DLG2: variants seen among roughly 807,000 people sequenced by gnomAD.
The protein encoded by DLG2 is discs large MAGUK scaffold protein 2.
Under a neutral mutation model 132.5 loss-of-function variants are expected in DLG2, and 45 were observed. The observed-to-expected ratio is 0.34, with a 90% confidence interval of 0.27 to 0.44. DLG2 has a LOEUF of 0.44. Among genes scored for constraint, DLG2 ranks in the 20% least tolerant of loss-of-function variants. DLG2 has a pLI of 1.00. For synonymous variants in DLG2, 424 were observed against 419.6 expected (o/e 1.01, Z -0.13); for missense variants, 1,045 against 1,196.9 (o/e 0.87, Z 1.87).
intron 6 of DLG2, among the ~76,000 whole-genome samples, chr11:85,035,331 T>A (rs2061354813): frequency 1.3e-5 from 2 of 152,232 alleles, no homozygotes; most frequent in Non-Finnish European, 2.9e-5. Flanking sequence ...TGTTTCACAC[T>A]GTTATAAAGA....
At chr11:84,294,862 A>G (rs1215106013) in intron 7 of DLG2, among the ~76,000 whole-genome samples, 3 of 152,122 alleles carry the variant, frequency 2.0e-5, no homozygotes, top group African/African-American at 7.2e-5. Context: ...AAAATATTTT[A>G]TTTATTTCAG....
chr11:84,574,526 T>C (rs1242277198), intron 6 of DLG2, among the ~76,000 whole-genome samples: 2 of 152,154 alleles, frequency 1.3e-5, no homozygotes, highest in Non-Finnish European at 2.9e-5. Context: ...TTGTAGAAAA[T>C]TAAAGAACCA....
intron 6 of DLG2, among the ~76,000 whole-genome samples, chr11:85,065,685 T>C (rs1020985839): frequency 6.6e-6 from 1 of 151,114 alleles, no homozygotes; most frequent in African/African-American, 2.4e-5. Context: ...TAAAAATACA[T>C]GGAAATTAAA....
rs142998345 is a variant in DLG2, at chr11:84,807,945, C to T, written c.358-273214G>A. Among the ~76,000 whole-genome samples the T allele has an allele frequency of 1.0e-3, 155 of 152,196 alleles. 1 individual carries two copies. In the East Asian group the frequency reaches 0.028, roughly 28 times the overall value. The stretch of plus-strand genomic sequence containing the variant: ...TTATTGACAATTCACAAAATACCTA[C>T]GCCAAAAATCAGAATGCATATAGAA... On this transcript the variant is annotated intron_variant, in intron 6 of 27. Coordinates refer to ENST00000376104, the MANE Select transcript of DLG2 (RefSeq NM_001142699.3).
chr11:84,677,024 A>C (rs1376241370), intron 6 of DLG2, among the ~76,000 whole-genome samples: 1 of 152,016 alleles, frequency 6.6e-6, no homozygotes, highest in Non-Finnish European at 1.5e-5. Context: ...AGGGCCCTAG[A>C]GGTCATAAAA....
intron 6 of DLG2, among the ~76,000 whole-genome samples, chr11:84,659,988 G>A (rs2099692745): frequency 6.6e-6 from 1 of 152,070 alleles, no homozygotes; most frequent in Non-Finnish European, 1.5e-5. Flanking sequence ...TACTCTCCTG[G>A]CATTGATGTC....
At chr11:84,692,876 G>A (rs368578648) in intron 6 of DLG2, among the ~76,000 whole-genome samples, 1 of 151,652 alleles carries the variant, frequency 6.6e-6, no homozygotes, top group South Asian at 2.1e-4. Context: ...CAGGTACTAA[G>A]CTAAACAGTT....
intron 7 of DLG2, among the ~76,000 whole-genome samples, chr11:84,340,444 G>T (rs1382614971): frequency 6.6e-6 from 1 of 152,164 alleles, no homozygotes; most frequent in East Asian, 1.9e-4. Context: ...CTCATACAGA[G>T]ATGTAAGAGG....
At chr11:84,985,322 G>A (rs2056332164) in intron 6 of DLG2, among the ~76,000 whole-genome samples, 1 of 151,970 alleles carries the variant, frequency 6.6e-6, no homozygotes, top group African/African-American at 2.4e-5. Context: ...ACTACCAAAG[G>A]AACCCTCAAA....
At chr11:84,484,161 A>G (rs760185229) in intron 7 of DLG2, among the ~76,000 whole-genome samples, 1 of 152,128 alleles carries the variant, frequency 6.6e-6, no homozygotes, top group Admixed American at 6.5e-5. Flanking sequence ...ACTTAGGTAT[A>G]GCAATTTAGG....
chr11:85,243,964 TATC>T (rs746298721), intron 4 of DLG2, among the ~76,000 whole-genome samples: 1 of 151,988 alleles, frequency 6.6e-6, no homozygotes, highest in Non-Finnish European at 1.5e-5. Flanking sequence ...ATAAAGTTAT[TATC>T]ATCTCCTTAG....
intron 3 of DLG2, among the ~76,000 whole-genome samples, chr11:85,505,798 T>A (rs776662579): frequency 2.0e-5 from 3 of 152,126 alleles, no homozygotes; most frequent in African/African-American, 7.2e-5. Flanking sequence ...GGAATGGTAC[T>A]AGCTCCTCCT....
At position 85,543,660 on chromosome 11, in the gene DLG2, C is replaced by T. The variant is rs192663617; in HGVS notation, c.40+54997G>A. Among the ~76,000 whole-genome samples the T allele has an allele frequency of 8.6e-3, 1,305 of 152,284 alleles. 13 individuals carry two copies. The highest frequency in any genetic ancestry group is 0.03 in the African/African-American group (1,230 of 41,542). On this transcript the variant is annotated intron_variant, in intron 3 of 27. Coordinates refer to ENST00000376104, the MANE Select transcript of DLG2 (RefSeq NM_001142699.3). ...CTCTCTAGCATCTATAGTTTCCTGA[C>T]TTTTTAATGATCACCATTCTAACTG...
intron 18 of DLG2, among the ~76,000 whole-genome samples, chr11:83,671,745 A>T (rs541805720): frequency 2.0e-5 from 3 of 152,280 alleles, no homozygotes; most frequent in Admixed American, 6.5e-5. Flanking sequence ...TGCCTATGTC[A>T]GCGTGTAGCT....
At chr11:85,155,839 A>G (rs915313265) in intron 4 of DLG2, among the ~76,000 whole-genome samples, 2 of 150,822 alleles carry the variant, frequency 1.3e-5, no homozygotes, top group Non-Finnish European at 2.9e-5. Flanking sequence ...AGCCTGGGTG[A>G]CTGAGCAAGA....
chr11:84,991,508 CA>C (rs760113916), intron 6 of DLG2, among the ~76,000 whole-genome samples: 87 of 108,720 alleles, frequency 8.0e-4, no homozygotes, highest in Middle Eastern at 4.9e-3. Flanking sequence ...GACACCTTCT[CA>C]AAAAAAAAAA....
chr11:83,577,856 AATT>A (rs1481649591), intron 19 of DLG2, among the ~76,000 whole-genome samples: 3 of 127,114 alleles, frequency 2.4e-5, no homozygotes, highest in South Asian at 2.2e-4. Context: ...ATAAATATAT[AATT>A]ATATTATAAA....
At chr11:84,126,253 AG>A (rs1233441898) in intron 9 of DLG2, among the ~76,000 whole-genome samples, 1 of 152,216 alleles carries the variant, frequency 6.6e-6, no homozygotes. Context: ...GATGGAAAAA[AG>A]GACTCTTTTA....
chr11:85,046,120 A>G (rs2062324289), intron 6 of DLG2, among the ~76,000 whole-genome samples: 1 of 152,012 alleles, frequency 6.6e-6, no homozygotes, highest in Non-Finnish European at 1.5e-5. Context: ...ATTTCTTGGA[A>G]ACTTGATTGC....
Sources: gnomAD v4.1 joint callset for allele counts (sites outside exome capture counted in the v4.1 genomes callset) on GRCh38, gnomAD v4.1.1 for gene constraint, MANE v1.5 for transcripts, NCBI Gene and HGNC (gene_info 2026-07-23, HGNC 2026-07-21) for gene names.